Variants in CSMD1 observed in about 807,000 individuals in gnomAD.
The protein encoded by CSMD1 is CUB and Sushi multiple domains 1.
CSMD1 carries 213 observed loss-of-function variants against 417.5 expected under a neutral mutation model. The observed-to-expected ratio is 0.51, with a 90% CI of 0.46 to 0.57. The LOEUF (loss-of-function observed/expected upper bound fraction) is 0.57, where lower values mean the gene tolerates loss of function less well. Ranked by LOEUF, CSMD1 falls within the 20% of genes least tolerant of loss-of-function variation. The probability of loss-of-function intolerance (pLI) is 0.00; values close to 1 mark genes in which losing one functional copy is unlikely to be tolerated. For missense variants in CSMD1, 6,923 were observed against 4,529.7 expected (o/e 1.53, Z -15.17); for synonymous variants, 2,862 against 1,736.8 (o/e 1.65, Z -16.11).
chr8:3,588,581 A>C (rs1370931606), intron 8 of CSMD1, among the ~76,000 whole-genome samples: 1 of 152,118 alleles, frequency 6.6e-6, no homozygotes, highest in Non-Finnish European at 1.5e-5. Context: ...CTGCTCCTAT[A>C]ACACCTCTAT....
intron 3 of CSMD1, among the ~76,000 whole-genome samples, chr8:4,100,007 A>AT (rs76119210): frequency 0.1 from 15,226 of 152,172 alleles, 863 homozygotes; most frequent in Middle Eastern, 0.19. Context: ...ATTTATTTTC[A>AT]TTTTTATGAC....
intron 4 of CSMD1, among the ~76,000 whole-genome samples, chr8:4,025,720 A>G (rs1797026101): frequency 6.6e-6 from 1 of 152,156 alleles, no homozygotes; most frequent in South Asian, 2.1e-4. Context: ...CTCAAGAAAA[A>G]TGAATTTTGA....
At chr8:4,888,458 C>G (rs1238579649) in intron 1 of CSMD1, among the ~76,000 whole-genome samples, 3 of 151,516 alleles carry the variant, frequency 2.0e-5, no homozygotes, top group Non-Finnish European at 4.4e-5. Context: ...TATTGTTTTG[C>G]ACGTATAGGT....
At chr8:3,377,817 A>G (rs1810403414) in intron 18 of CSMD1, among the ~76,000 whole-genome samples, 1 of 152,212 alleles carries the variant, frequency 6.6e-6, no homozygotes, top group African/African-American at 2.4e-5. Context: ...GGAGCTTAAA[A>G]TCAAACTGAA....
rs984713827 is a variant in CSMD1, at chr8:2,936,034, T to C, written c.*2551A>G. The C allele has an allele frequency of 9.9e-5, 15 of 152,138 alleles. No homozygotes were observed. Among genetic ancestry groups the C allele is most frequent in the African/African-American group, 2.9e-4 (12 of 41,506 alleles). 9.4% of individuals were successfully genotyped at this position (152,138 alleles called of 1,614,324 possible). A position where few individuals can be genotyped will look rare whatever the true frequency, so the allele number is the denominator to read the frequency against. On this transcript the variant is annotated 3_prime_UTR_variant, in exon 70 of 70. Coordinates refer to ENST00000635120, the MANE Select transcript of CSMD1 (RefSeq NM_033225.6). ...AGCTCCTGACTGCCCTAAAATGAGA[T>C]CCTCCAACACCTTGCGGAGACGCCG... is the stretch of plus-strand genomic sequence containing the variant.
At chr8:3,913,988 T>A (rs1454196836) in intron 5 of CSMD1, among the ~76,000 whole-genome samples, 1 of 152,128 alleles carries the variant, frequency 6.6e-6, no homozygotes, top group Non-Finnish European at 1.5e-5. Context: ...AATATTTAAA[T>A]TTTGTAATAC....
intron 1 of CSMD1, among the ~76,000 whole-genome samples, chr8:4,957,444 T>C (rs938746873): frequency 6.6e-6 from 1 of 152,234 alleles, no homozygotes; most frequent in African/African-American, 2.4e-5. Context: ...CGCTTTCTTC[T>C]TTTTGCCTAA....
chr8:4,135,959 G>C (rs772068050), intron 3 of CSMD1, among the ~76,000 whole-genome samples: 2 of 152,064 alleles, frequency 1.3e-5, no homozygotes, highest in Non-Finnish European at 1.5e-5. Context: ...TTGGTGTTAA[G>C]TCAAATACTG....
intron 3 of CSMD1, among the ~76,000 whole-genome samples, chr8:4,291,017 A>G (rs1797329761): frequency 6.6e-6 from 1 of 152,128 alleles, no homozygotes; most frequent in Admixed American, 6.5e-5. Flanking sequence ...AATGATGTCA[A>G]AATAAGATCT....
chr8:3,131,531 G>C (rs1157565254), intron 41 of CSMD1, among the ~76,000 whole-genome samples: 4 of 150,530 alleles, frequency 2.7e-5, no homozygotes, highest in Non-Finnish European at 4.4e-5. Flanking sequence ...AAGTGCAGTG[G>C]CGTGATCTCT....
chr8:3,758,615 C>G (rs1797808459), intron 5 of CSMD1, among the ~76,000 whole-genome samples: 1 of 152,142 alleles, frequency 6.6e-6, no homozygotes, highest in South Asian at 2.1e-4. Context: ...GATTACTGTA[C>G]AAATTAGGTG....
chr8:4,273,597 T>G (rs1262694600), intron 3 of CSMD1, among the ~76,000 whole-genome samples: 2 of 152,222 alleles, frequency 1.3e-5, no homozygotes, highest in Non-Finnish European at 2.9e-5. Context: ...GTCGTTCATT[T>G]GAAATTCAAA....
At chr8:3,135,094 T>G (rs1818002804) in intron 41 of CSMD1, among the ~76,000 whole-genome samples, 1 of 152,094 alleles carries the variant, frequency 6.6e-6, no homozygotes, top group African/African-American at 2.4e-5. Flanking sequence ...CAGCTAATTT[T>G]TTGTAGAGAC....
chr8:3,904,187 G>T (rs549076125), intron 5 of CSMD1, among the ~76,000 whole-genome samples: 1 of 152,004 alleles, frequency 6.6e-6, no homozygotes. Flanking sequence ...CTGGAGAACC[G>T]GCCTGTGTCT....
chr8:3,429,400 G>A (rs1181964569), intron 12 of CSMD1, among the ~76,000 whole-genome samples: 1 of 152,110 alleles, frequency 6.6e-6, no homozygotes, highest in Non-Finnish European at 1.5e-5. Flanking sequence ...ATATGACATG[G>A]CCCTTCCACA....
intron 1 of CSMD1, among the ~76,000 whole-genome samples, chr8:4,904,380 C>T (rs1394878881): frequency 6.6e-6 from 1 of 152,174 alleles, no homozygotes; most frequent in Admixed American, 6.5e-5. Flanking sequence ...TTTTAAATTT[C>T]TCTTTCACAG....
At chr8:3,251,486 G>C (rs1585799467) in intron 26 of CSMD1, among the ~76,000 whole-genome samples, 1 of 151,330 alleles carries the variant, frequency 6.6e-6, no homozygotes, top group Non-Finnish European at 1.5e-5. Context: ...ATAGTTTGAA[G>C]TCAGGTAGCA....
At chr8:3,968,949 C>G (rs1397098449) in intron 5 of CSMD1, among the ~76,000 whole-genome samples, 1 of 152,126 alleles carries the variant, frequency 6.6e-6, no homozygotes, top group Non-Finnish European at 1.5e-5. Context: ...GACTACTCTT[C>G]TTTACTAAGA....
chr8:4,700,503 T>G (rs912340878), intron 1 of CSMD1, among the ~76,000 whole-genome samples: 1 of 152,128 alleles, frequency 6.6e-6, no homozygotes, highest in Non-Finnish European at 1.5e-5. Context: ...AAACTATGCA[T>G]GTTACAATGA....
Sources: gnomAD v4.1 joint callset for allele counts (sites outside exome capture counted in the v4.1 genomes callset) on GRCh38, gnomAD v4.1.1 for gene constraint, MANE v1.5 for transcripts, NCBI Gene and HGNC (gene_info 2026-07-23, HGNC 2026-07-21) for gene names.